The following NAV1 variants were observed in gnomAD, a reference collection of about 807,000 sequenced individuals.
The protein encoded by NAV1 is pore membrane and/or filament interacting like protein 3.
A neutral mutation model predicts 175.2 loss-of-function variants in NAV1; 18 were observed. The ratio of observed to expected loss-of-function variants is 0.10; its 90% CI spans 0.07 to 0.15. NAV1 has a LOEUF of 0.15. Among genes scored for constraint, NAV1 ranks in the 10% least tolerant of loss-of-function variants. The pLI is 1.00. For synonymous variants in NAV1, 897 were observed against 978.7 expected (o/e 0.92, Z 1.56); for missense variants, 1,731 against 2,436.6 (o/e 0.71, Z 6.10).
chr1:201,636,349 C>T (rs56412756), intron 2 of NAV1, among the ~76,000 whole-genome samples: 8,593 of 152,266 alleles, frequency 0.056, 327 homozygotes, highest in Non-Finnish European at 0.084. Flanking sequence ...AGACTTCCCT[C>T]CCCACTATAA....
In NAV1 at chr1:201,718,439, G is replaced by A. The variant is rs369969891; in HGVS notation, c.910G>A (p.Val304Met). ...CAGCGATGATGCCAACCCACGCAGCGTGTCCAGCCTCTCCAACCGCTCGTC... is the reference window on the plus strand; with the variant it reads ...CAGCGATGATGCCAACCCACGCAGCATGTCCAGCCTCTCCAACCGCTCGTC... The change falls in exon 3 of 30, where the codon GTG becomes ATG. Residue 304 changes from valine to methionine, a missense_variant. Val to Met is a conservative substitution (Grantham distance 21). Transcript: ENST00000367296. The surrounding 1 kb of genome is among the most constrained non-coding windows in gnomAD (Gnocchi z 4.8). The A allele has an allele frequency of 3.2e-5, 50 of 1,560,602 alleles. No individual in the cohort carries two copies. Among genetic ancestry groups the A allele is most frequent in the South Asian group, 6.0e-5 (5 of 83,010 alleles).
At chr1:201,622,429 G>A (rs1169536261), upstream of NAV1, among the ~76,000 whole-genome samples, 1 of 152,172 alleles carries the variant, frequency 6.6e-6, no homozygotes, top group Non-Finnish European at 1.5e-5. Flanking sequence ...GAACATGCAG[G>A]GCAGAGGCCG....
rs558885009 is a variant in NAV1, at chr1:201,731,046, G to T, written c.1226+12291G>T. ...ATAAAAGTATAGATTTGCAAAGCAGGCCAGAGGAAAGAGTCAGGCCCATAG... is the reference window on the plus strand; with the variant it reads ...ATAAAAGTATAGATTTGCAAAGCAGTCCAGAGGAAAGAGTCAGGCCCATAG... On this transcript the variant is annotated intron_variant, in intron 3 of 29. Coordinates refer to ENST00000367296, the Ensembl canonical transcript of NAV1. 1.2e-4 allele frequency among the ~76,000 whole-genome samples: 18 copies of T among 152,230 alleles called. No individual in the cohort carries two copies. The South Asian group carries it at 2.9e-3, about 25-fold the overall frequency.
At chr1:201,604,512 T>C (rs1667615314) in intron 2 of NAV1, among the ~76,000 whole-genome samples, 2 of 151,896 alleles carry the variant, frequency 1.3e-5, no homozygotes, top group South Asian at 4.2e-4. Context: ...TGAAACCCCA[T>C]CTCTACTAAA....
intron 2 of NAV1, among the ~76,000 whole-genome samples, chr1:201,616,193 T>C (rs1430703989): frequency 6.6e-6 from 1 of 152,164 alleles, no homozygotes; most frequent in Non-Finnish European, 1.5e-5. Context: ...GCAATTTGCC[T>C]TAGGTCACAC....
intron 1 of NAV1, among the ~76,000 whole-genome samples, chr1:201,696,536 G>T (rs1434847043): frequency 1.3e-5 from 2 of 152,230 alleles, no homozygotes; most frequent in African/African-American, 4.8e-5. Context: ...TGTCTTGGAG[G>T]TGGAGAAATG....
intron 1 of NAV1, among the ~76,000 whole-genome samples, chr1:201,676,141 T>C (rs910446090): frequency 2.0e-5 from 3 of 152,124 alleles, no homozygotes; most frequent in Non-Finnish European, 4.4e-5. Flanking sequence ...CCCCTCTTTC[T>C]GAGATAGGGT....
intron 1 of NAV1, among the ~76,000 whole-genome samples, chr1:201,690,748 C>T (rs546640510): frequency 3.0e-4 from 44 of 148,928 alleles, no homozygotes; most frequent in Non-Finnish European, 5.8e-4. Context: ...CTATTTCCTC[C>T]GTGGCCTGTC....
chr1:201,594,509 G>C (rs1202000474), intron 2 of NAV1, among the ~76,000 whole-genome samples: 2 of 152,222 alleles, frequency 1.3e-5, no homozygotes, highest in Non-Finnish European at 2.9e-5. Context: ...GTTAGTCTTT[G>C]GTGGCAGAGC....
At chr1:201,580,271 C>G (rs571423185) in intron 1 of NAV1, among the ~76,000 whole-genome samples, 1 of 152,314 alleles carries the variant, frequency 6.6e-6, no homozygotes, top group Admixed American at 6.5e-5. Context: ...CAGACATACC[C>G]AGAAATAATG....
chr1:201,609,895 C>G (rs1024127261), intron 2 of NAV1, among the ~76,000 whole-genome samples: 5 of 152,156 alleles, frequency 3.3e-5, no homozygotes, highest in African/African-American at 1.2e-4. Context: ...CTGGATGGAA[C>G]AGGGATTGTC....
At chr1:201,593,525 T>C (rs515034) in intron 2 of NAV1, among the ~76,000 whole-genome samples, 14,785 of 152,262 alleles carry the variant, frequency 0.097, 959 homozygotes, top group African/African-American at 0.17. Context: ...GATTGCAGAA[T>C]CTAATCCAGA....
intron 1 of NAV1, among the ~76,000 whole-genome samples, chr1:201,651,070 G>A (rs566895957): frequency 2.0e-5 from 3 of 152,044 alleles, no homozygotes; most frequent in African/African-American, 7.2e-5. Flanking sequence ...ACTGGCCCAT[G>A]TGATAGAGAG....
At chr1:201,641,601 AG>A (rs1409982086) in intron 2 of NAV1, among the ~76,000 whole-genome samples, 5 of 152,208 alleles carry the variant, frequency 3.3e-5, no homozygotes, top group African/African-American at 1.2e-4. Context: ...CCACAAAGGC[AG>A]GGGTGTTGGC....
At chr1:201,806,529 TAC>T (rs149753283) in intron 17 of NAV1, among the ~76,000 whole-genome samples, 1 of 151,672 alleles carries the variant, frequency 6.6e-6, no homozygotes, top group African/African-American at 2.4e-5. Flanking sequence ...AGGATCTCTT[TAC>T]ACACACACAC....
At chr1:201,548,795 T>C (rs900681944) in intron 1 of NAV1, among the ~76,000 whole-genome samples, 1 of 151,654 alleles carries the variant, frequency 6.6e-6, no homozygotes, top group African/African-American at 2.4e-5. Flanking sequence ...GAGAGTCGGG[T>C]TTAGTGTAAG....
At chr1:201,783,777 C>T in exon 7 of NAV1, 1 of 1,614,178 alleles carries the variant, frequency 6.2e-7, no homozygotes, top group Non-Finnish European at 8.5e-7. Context: ...CCACCTGCTC[C>T]CCCTGCTGCT....
chr1:201,632,047 T>A (rs1223836541), intron 2 of NAV1, among the ~76,000 whole-genome samples: 1 of 152,132 alleles, frequency 6.6e-6, no homozygotes, highest in Non-Finnish European at 1.5e-5. Context: ...GACCAACCAG[T>A]CTTTCTCTGC....
intron 1 of NAV1, among the ~76,000 whole-genome samples, chr1:201,581,989 G>A (rs868135552): frequency 3.3e-5 from 5 of 152,014 alleles, no homozygotes; most frequent in East Asian, 1.9e-4. Flanking sequence ...CCAGCTACTC[G>A]AGAGGCTGAG....
Sources: gnomAD v4.1 joint callset for allele counts (sites outside exome capture counted in the v4.1 genomes callset) on GRCh38, gnomAD v4.1.1 for gene constraint, Gnocchi (gnomAD v3.1) non-coding constraint, MANE v1.5 for transcripts, NCBI Gene and HGNC (gene_info 2026-07-23, HGNC 2026-07-21) for gene names.